The following C13orf42 variants were observed in gnomAD, a reference collection of about 807,000 sequenced individuals.
C13orf42 encodes the protein chromosome 13 open reading frame 42, also known as uncharacterized protein C13orf42.
At chr13:51,161,899 A>G in intron 1 of C13orf42, 1 of 494,186 alleles carries the variant, frequency 2.0e-6, no homozygotes, top group Non-Finnish European at 4.0e-6. Flanking sequence ...CAAGGCCTGC[A>G]TCCAAACAGC....
Position 51,084,098 on chromosome 13 carries a change from C to T in C13orf42, c.*53G>A, listed in dbSNP as rs190824037. ...CAAATACCTCATGCTGCGCTGAAAG[C>T]GGACAGCTTCTCAGGGACCCAGTCT... On this transcript the variant is annotated 3_prime_UTR_variant, in exon 4 of 4. Transcript: ENST00000563710. The T allele has an allele frequency of 5.2e-4, 208 of 398,518 alleles. No homozygotes were observed. The highest frequency in any genetic ancestry group is 3.3e-3 in the African/African-American group (159 of 48,762). The allele number at this position is 398,518 out of a possible 1,614,324, so 24.7% of individuals were successfully genotyped here.
intron 1 of C13orf42, among the ~76,000 whole-genome samples, chr13:51,141,123 T>C (rs1238452205): frequency 2.6e-5 from 4 of 151,076 alleles, no homozygotes; most frequent in African/African-American, 9.7e-5. Context: ...TGTGTGTGTG[T>C]GTGTGTGTGT....
intron 1 of C13orf42, among the ~76,000 whole-genome samples, chr13:51,103,208 G>A (rs533136738): frequency 2.3e-4 from 35 of 152,270 alleles, no homozygotes; most frequent in African/African-American, 7.9e-4. Flanking sequence ...CTGTGATCTA[G>A]TCAGGCTTGG....
intron 1 of C13orf42, among the ~76,000 whole-genome samples, chr13:51,149,049 A>T (rs1315780943): frequency 1.3e-5 from 2 of 152,144 alleles, no homozygotes; most frequent in African/African-American, 2.4e-5. Context: ...TAGTTTCGAG[A>T]TTCTGAATGA....
rs142345680 is a variant in C13orf42, at chr13:51,165,879, C to T, written n.136+6374G>A. On this transcript the variant is annotated intron_variant and non_coding_transcript_variant, in intron 1 of 4. Transcript: ENST00000433280. ...ACTATATTTAAGGTATATTTTTAAT[C>T]GGCATAGCACTATGCAAATGTAGAG... 4.3e-4 allele frequency among the ~76,000 whole-genome samples: 65 copies of T among 152,258 alleles called. 1 individual carries two copies. The East Asian group carries it at 9.6e-3, about 23-fold the overall frequency.
At chr13:51,086,317 C>CAAAAAAAAAACA (rs151139876) in intron 2 of C13orf42, among the ~76,000 whole-genome samples, 11 of 114,350 alleles carry the variant, frequency 9.6e-5, no homozygotes, top group Admixed American at 3.6e-4. Flanking sequence ...AAAAAAAAAA[C>CAAAAAAAAAACA]AAAAAAAAAC....
intron 1 of C13orf42, among the ~76,000 whole-genome samples, chr13:51,103,348 C>T (rs1953312822): frequency 6.6e-6 from 1 of 152,156 alleles, no homozygotes; most frequent in African/African-American, 2.4e-5. Flanking sequence ...ATGCAGAGCA[C>T]AGGCTTCAAC....
intron 3 of C13orf42, 135 bp downstream of exon 3, chr13:51,085,184 A>AATATATATATATATATATATATATATAT (rs57050801): frequency 3.7e-5 from 7 of 190,546 alleles, no homozygotes; most frequent in African/African-American, 1.8e-4. Context: ...AGCAACAACA[A>AATATATATATATATATATATATATATAT]ATATATATAT....
intron 1 of C13orf42, among the ~76,000 whole-genome samples, chr13:51,163,406 C>T (rs1323544186): frequency 6.6e-6 from 1 of 152,096 alleles, no homozygotes; most frequent in Non-Finnish European, 1.5e-5. Context: ...GCAGGGATGG[C>T]ACGATGTCCC....
intron 1 of C13orf42, among the ~76,000 whole-genome samples, chr13:51,153,621 G>GTTTTTTGTTTTTTTTTTTTTTT (rs1953799413): frequency 3.7e-5 from 3 of 82,034 alleles, no homozygotes. Context: ...CTTGCTTTCT[G>GTTTTTTGTTTTTTTTTTTTTTT]TTTTTTTTCT....
At chr13:51,125,662 C>T (rs1486381507) in intron 1 of C13orf42, among the ~76,000 whole-genome samples, 4 of 152,146 alleles carry the variant, frequency 2.6e-5, no homozygotes, top group Non-Finnish European at 4.4e-5. Context: ...CCAAGCTCCA[C>T]CCCCCAGTGT....
upstream of C13orf42, among the ~76,000 whole-genome samples, chr13:51,115,159 A>T (rs1003659128): frequency 6.6e-6 from 1 of 152,226 alleles, no homozygotes; most frequent in Non-Finnish European, 1.5e-5. Flanking sequence ...CCAAGCTATT[A>T]TTCCAGGTAA....
intron 1 of C13orf42, among the ~76,000 whole-genome samples, chr13:51,095,457 T>C (rs1189097333): frequency 6.6e-6 from 1 of 152,190 alleles, no homozygotes; most frequent in East Asian, 1.9e-4. Flanking sequence ...TCTCTGGGAT[T>C]CCAGCTATAC....
At chr13:51,095,130 G>A (rs1329422589) in intron 1 of C13orf42, among the ~76,000 whole-genome samples, 1 of 152,156 alleles carries the variant, frequency 6.6e-6, no homozygotes, top group Non-Finnish European at 1.5e-5. Flanking sequence ...CCAGTCTTAG[G>A]TATGTCTTCA....
intron 1 of C13orf42, among the ~76,000 whole-genome samples, chr13:51,102,351 A>T (rs1436160082): frequency 6.6e-6 from 1 of 152,216 alleles, no homozygotes; most frequent in African/African-American, 2.4e-5. Flanking sequence ...TTTTTAGATG[A>T]ATTGGATTCA....
intron 1 of C13orf42, among the ~76,000 whole-genome samples, chr13:51,096,938 A>G (rs1453815709): frequency 6.6e-6 from 1 of 152,202 alleles, no homozygotes; most frequent in Non-Finnish European, 1.5e-5. Context: ...TCTTTGCTTT[A>G]GTATTTTGTT....
intron 1 of C13orf42, among the ~76,000 whole-genome samples, chr13:51,105,706 T>C (rs1423730474): frequency 6.6e-6 from 1 of 152,150 alleles, no homozygotes; most frequent in African/African-American, 2.4e-5. Flanking sequence ...TTATTTTGAG[T>C]GGTCTTGATT....
At chr13:51,132,638 G>A (rs767509342) in intron 1 of C13orf42, among the ~76,000 whole-genome samples, 2 of 152,022 alleles carry the variant, frequency 1.3e-5, no homozygotes, top group African/African-American at 2.4e-5. Flanking sequence ...AACAGAAAAT[G>A]ATGGATCTTC....
At chr13:51,167,183 A>C (rs1265655787) in intron 1 of C13orf42, among the ~76,000 whole-genome samples, 1 of 152,204 alleles carries the variant, frequency 6.6e-6, no homozygotes, top group South Asian at 2.1e-4. Flanking sequence ...AATTCTGTCC[A>C]GGAAACCCAT....
Sources: allele counts gnomAD v4.1 joint callset (sites outside exome capture counted in the v4.1 genomes callset), GRCh38; gene constraint gnomAD v4.1.1; transcripts MANE v1.5; gene names NCBI Gene and HGNC (gene_info 2026-07-23, HGNC 2026-07-21).